The following MEIOSIN variants were observed in gnomAD, a reference collection of about 807,000 sequenced individuals.
The protein encoded by MEIOSIN is meiosis initiator protein.
A neutral mutation model predicts 23.4 loss-of-function variants in MEIOSIN; 18 were observed. That is an observed-to-expected ratio of 0.77 (90% confidence interval 0.53 to 1.14). The LOEUF (loss-of-function observed/expected upper bound fraction) is 1.14. Ranked by LOEUF, MEIOSIN falls within the 50% of genes most tolerant of loss-of-function variation. MEIOSIN has a pLI of 0.00. For synonymous variants in MEIOSIN, 187 were observed against 100.6 expected (o/e 1.86, Z -5.14); for missense variants, 428 against 242.9 (o/e 1.76, Z -5.07).
chr19:45,746,302 T>C (rs1337665955), intron 4 of MEIOSIN, among the ~76,000 whole-genome samples: 1 of 152,094 alleles, frequency 6.6e-6, no homozygotes, highest in Non-Finnish European at 1.5e-5. Context: ...GTCAGCAGGG[T>C]TGGTTCCTCT....
intron 4 of MEIOSIN, among the ~76,000 whole-genome samples, chr19:45,748,117 C>A (rs1455469959): frequency 1.3e-5 from 2 of 151,234 alleles, no homozygotes; most frequent in Non-Finnish European, 2.9e-5. Context: ...CCGCTCTGTA[C>A]CCCAGGCTGG....
At chr19:45,739,382 A>T (rs1968461879) in intron 2 of MEIOSIN, among the ~76,000 whole-genome samples, 1 of 151,974 alleles carries the variant, frequency 6.6e-6, no homozygotes, top group African/African-American at 2.4e-5. Flanking sequence ...CGAACTCCTG[A>T]CCTCAAATGA....
At chr19:45,744,579 G>A (rs1016946035) in intron 3 of MEIOSIN, among the ~76,000 whole-genome samples, 1 of 151,250 alleles carries the variant, frequency 6.6e-6, no homozygotes, top group Admixed American at 6.6e-5. Context: ...CTACCACCAC[G>A]CCTGGCTAAT....
chr19:45,762,124 G>A lies in MEIOSIN; in HGVS notation c.1620G>A (p.Lys540=), dbSNP rs534574789. ...AAGGCCCCTGCCCACCCCAGATGAAGAAGAAGTGTGTCAACGGCTTCATCA... is the reference window on the plus strand; with the variant it reads ...AAGGCCCCTGCCCACCCCAGATGAAAAAGAAGTGTGTCAACGGCTTCATCA... ...KKKGPCPPQM[K]KKCVNGFIMF... The change falls in exon 13 of 15, where the codon AAG becomes AAA. Residue 540 remains lysine, a synonymous_variant. Coordinates refer to ENST00000457052, the MANE Select transcript of MEIOSIN (RefSeq NM_001310124.2). The A allele has an allele frequency of 2.3e-6, 1 of 434,260 alleles. No homozygotes were observed. Among genetic ancestry groups the A allele is most frequent in the East Asian group, 3.4e-5 (1 of 29,200 alleles). The allele number at this position is 434,260 out of a possible 1,614,324, so 26.9% of individuals were successfully genotyped here. A position where few individuals can be genotyped will look rare whatever the true frequency, so the allele number is the denominator to read the frequency against.
intron 2 of MEIOSIN, 102 bp from the exon 3 acceptor site, chr19:45,739,524 C>G (rs1968464041): frequency 1.5e-6 from 1 of 680,496 alleles, no homozygotes; most frequent in African/African-American, 1.8e-5. Context: ...ACTCCATATA[C>G]CCAGAAGAGA....
intron 4 of MEIOSIN, among the ~76,000 whole-genome samples, chr19:45,746,115 C>T (rs1343480998): frequency 6.6e-6 from 1 of 152,074 alleles, no homozygotes; most frequent in Non-Finnish European, 1.5e-5. Context: ...ACTACAGGCT[C>T]ATGCCACACC....
intron 9 of MEIOSIN, 134 bp downstream of exon 9, chr19:45,757,411 C>T: frequency 5.3e-6 from 3 of 568,518 alleles, no homozygotes; most frequent in Admixed American, 2.8e-5. Context: ...GGCAAACACA[C>T]AGTGCACCTG....
At chr19:45,749,023 C>T (rs928668343) in intron 4 of MEIOSIN, among the ~76,000 whole-genome samples, 1 of 149,898 alleles carries the variant, frequency 6.7e-6, no homozygotes, top group Non-Finnish European at 1.5e-5. Context: ...GAGCTGAGAT[C>T]GTACCACTGC....
intron 4 of MEIOSIN, among the ~76,000 whole-genome samples, chr19:45,748,571 C>T (rs966708258): frequency 1.3e-4 from 20 of 152,122 alleles, no homozygotes; most frequent in African/African-American, 4.8e-4. Context: ...TCTGGTGTAG[C>T]CCCCAAGCTA....
In MEIOSIN at chr19:45,750,348, CTTTT is replaced by C. The variant is rs796086578; in HGVS notation, c.307-325_307-322del. Among the ~76,000 whole-genome samples, 376 of 96,256 alleles carry C rather than the reference CTTTT, an allele frequency of 3.9e-3. 3 individuals are homozygous for C. Among genetic ancestry groups the C allele is most frequent in the African/African-American group, 0.015 (346 of 23,602 alleles). 63.1% of individuals were successfully genotyped at this position (96,256 alleles called of 152,430 possible). On this transcript the variant is annotated intron_variant, in intron 4 of 14. Coordinates refer to ENST00000457052, the MANE Select transcript of MEIOSIN (RefSeq NM_001310124.2). ...TGCTCAACCCTGTCTTTCTTTCTTT[CTTTT>C]TCTTTTTCTTTTTTTTTTTTTTTTT...
In MEIOSIN at chr19:45,764,461, ACTC is replaced by A. The variant is rs1243934507; in HGVS notation, c.*348_*350del. On this transcript the variant is annotated 3_prime_UTR_variant, in exon 15 of 15. Transcript: ENST00000457052. The stretch of plus-strand genomic sequence containing the variant: ...ACCCTGTTCATGCTCACCTCACCCT[ACTC>A]CTCCCTCTCCTGTTCTATTTTTAGA... 1 of 253,392 alleles carries A rather than the reference ACTC, an allele frequency of 3.9e-6. No individual in the cohort carries two copies. Among genetic ancestry groups the A allele is most frequent in the Non-Finnish European group, 7.4e-6 (1 of 136,046 alleles). The allele number at this position is 253,392 out of a possible 1,614,324, so 15.7% of individuals were successfully genotyped here. A position where few individuals can be genotyped will look rare whatever the true frequency, so the allele number is the denominator to read the frequency against.
intron 2 of MEIOSIN, among the ~76,000 whole-genome samples, chr19:45,738,578 C>T (rs1369118980): frequency 1.3e-5 from 2 of 152,128 alleles, no homozygotes; most frequent in African/African-American, 2.4e-5. Context: ...AAGATCGCGC[C>T]GCTGCGCTCC....
intron 1 of MEIOSIN, 111 bp from the exon 2 acceptor site, chr19:45,735,266 C>G: frequency 1.6e-6 from 1 of 631,498 alleles, no homozygotes; most frequent in Admixed American, 2.4e-5. Context: ...TTTGGGATCT[C>G]TGGGTGCTCA....
rs1037142426 is a variant in MEIOSIN, at chr19:45,763,434, G to T, written c.1769+7G>T. The T allele has an allele frequency of 1.8e-5, 7 of 398,598 alleles. No individual in the cohort carries two copies. The highest frequency in any genetic ancestry group is 1.3e-4 in the Admixed American group (3 of 22,724). 24.7% of individuals were successfully genotyped at this position (398,598 alleles called of 1,614,324 possible). ...AGGAGCGGAGGCCATACTGGTGAGA[G>T]GCTCCGGCCCCGAGGTGTGGGTGGG... is the stretch of plus-strand genomic sequence containing the variant. On this transcript the variant is annotated splice_region_variant and intron_variant, in intron 14 of 14. Coordinates refer to ENST00000457052, the MANE Select transcript of MEIOSIN (RefSeq NM_001310124.2).
chr19:45,752,871 C>T (rs1233263415), intron 5 of MEIOSIN, among the ~76,000 whole-genome samples: 2 of 151,484 alleles, frequency 1.3e-5, no homozygotes, highest in South Asian at 2.1e-4. Context: ...AGACACCCCG[C>T]GCGTGTCTTC....
intron 5 of MEIOSIN, among the ~76,000 whole-genome samples, chr19:45,752,030 GC>G (rs1350231959): frequency 2.6e-4 from 32 of 124,602 alleles, no homozygotes; most frequent in African/African-American, 9.6e-4. Flanking sequence ...CCTGCTCCTA[GC>G]CGTTTTTTTT....
rs747528721 is a variant in MEIOSIN, at chr19:45,761,673, C to T, written c.1246-6C>T. ...CCTCCCATCTTTCTCCCTCATCATG[C>T]CCCAGGACACAGCCTCCAAGGCCCC... On this transcript the variant is annotated splice_region_variant and splice_polypyrimidine_tract_variant and intron_variant, in intron 11 of 14. Coordinates refer to ENST00000457052, the MANE Select transcript of MEIOSIN (RefSeq NM_001310124.2). 13 of 702,302 alleles carry T rather than the reference C, an allele frequency of 1.9e-5. No homozygotes were observed. The Admixed American group carries it at 2.2e-4, about 12-fold the overall frequency. The allele number at this position is 702,302 out of a possible 1,614,324, so 43.5% of individuals were successfully genotyped here.
At chr19:45,734,914 GAC>G (rs1968385903) in intron 1 of MEIOSIN, among the ~76,000 whole-genome samples, 1 of 151,364 alleles carries the variant, frequency 6.6e-6, no homozygotes, top group South Asian at 2.1e-4. Context: ...TGTTTTTTGA[GAC>G]ACAGTCTCAC....
At chr19:45,760,795 G>A (rs913670701) in intron 11 of MEIOSIN, among the ~76,000 whole-genome samples, 1 of 151,906 alleles carries the variant, frequency 6.6e-6, no homozygotes, top group Non-Finnish European at 1.5e-5. Flanking sequence ...GGGCGTGGTG[G>A]TGGGCACTTG....
Sources: gnomAD v4.1 joint callset for allele counts (sites outside exome capture counted in the v4.1 genomes callset) on GRCh38, gnomAD v4.1.1 for gene constraint, MANE v1.5 for transcripts, NCBI Gene and HGNC (gene_info 2026-07-23, HGNC 2026-07-21) for gene names.